Variants in KRR1 observed in about 807,000 individuals in gnomAD.
KRR1 encodes the protein KRR1 small subunit processome component homolog.
In KRR1, 23 loss-of-function variants were observed where a neutral mutation model predicts 50.0. The ratio of observed to expected loss-of-function variants is 0.46; its 90% CI spans 0.33 to 0.65. The LOEUF (loss-of-function observed/expected upper bound fraction) is 0.65. KRR1 is among the 30% of genes least tolerant of loss of function. The pLI, the probability that KRR1 is intolerant of heterozygous loss-of-function variation, is 0.02. For synonymous variants in KRR1, 133 were observed against 146.3 expected (o/e 0.91, Z 0.66); for missense variants, 419 against 442.4 (o/e 0.95, Z 0.47).
In KRR1 at chr12:75,507,745, A is replaced by C. The variant is rs138928072; in HGVS notation, c.258+529T>G. ...AATATCAAAAAAAGATACTTTTACC[A>C]TGTGATATGTCATTTTCTAAAGGCT... is the stretch of plus-strand genomic sequence containing the variant. On this transcript the variant is annotated intron_variant, in intron 2 of 9. Transcript: ENST00000229214. Among the ~76,000 whole-genome samples, 28 of 152,222 alleles carry C rather than the reference A, an allele frequency of 1.8e-4. 1 individual carries two copies. Among genetic ancestry groups the C allele is most frequent in the African/African-American group, 6.7e-4 (28 of 41,540 alleles).
intron 9 of KRR1, 62 bp from the exon 10 acceptor site, chr12:75,500,013 T>A (rs2046380683): frequency 1.5e-6 from 2 of 1,318,234 alleles, no homozygotes; most frequent in Admixed American, 4.7e-5. Context: ...AAACAAAGAA[T>A]ATATGTTTAA....
In KRR1 at chr12:75,495,577, A is replaced by AG; in HGVS notation, c.*4231dup. On this transcript the variant is annotated 3_prime_UTR_variant, in exon 10 of 10. Transcript: ENST00000229214. ...TGGACATCCTTCTTCTGCTTTACAGAGGGAATTACCCAACTTGGCCATATA... is the reference window on the plus strand; with the variant it reads ...TGGACATCCTTCTTCTGCTTTACAGAGGGGAATTACCCAACTTGGCCATATA... 6.3e-7 allele frequency: 1 copy of AG among 1,581,342 alleles called. No individual in the cohort carries two copies. The highest frequency in any genetic ancestry group is 1.1e-5 in the South Asian group (1 of 90,408).
intron 5 of KRR1, 66 bp downstream of exon 5, chr12:75,506,250 A>G: frequency 1.0e-6 from 1 of 961,720 alleles, no homozygotes; most frequent in Non-Finnish European, 1.6e-6. Context: ...TATCCAATAA[A>G]CTATATTATA....
At position 75,503,796 on chromosome 12, in the gene KRR1, A is replaced by AAT. The variant is rs139792543; in HGVS notation, c.831+106_831+107dup. 1.5e-3 allele frequency: 1,374 copies of AAT among 945,802 alleles called. 3 individuals carry two copies. Among genetic ancestry groups the AAT allele is most frequent in the South Asian group, 8.6e-3 (432 of 50,028 alleles). 58.6% of individuals were successfully genotyped at this position (945,802 alleles called of 1,614,324 possible). ...CTTATAGCTCTGCACACACACACAC[A>AAT]ATATATATATATACACATATCCCAC... On this transcript the variant is annotated intron_variant, in intron 7 of 9. Coordinates refer to ENST00000229214, the MANE Select transcript of KRR1 (RefSeq NM_007043.7).
intron 5 of KRR1, 69 bp downstream of exon 5, chr12:75,506,247 T>C: frequency 1.1e-6 from 1 of 923,236 alleles, no homozygotes. Flanking sequence ...CATTATCCAA[T>C]AAACTATATT....
In KRR1 at chr12:75,499,955, G is replaced by C; in HGVS notation, c.1004-4C>G. On this transcript the variant is annotated splice_region_variant and splice_polypyrimidine_tract_variant and intron_variant, in intron 9 of 9. Coordinates refer to ENST00000229214, the MANE Select transcript of KRR1 (RefSeq NM_007043.7). Reference sequence around the variant, plus strand: ...TCAATTTTAGTTTCAGTAGAAGCTAGACAAATTAAAAGCACAACACATGTA... The same window carrying C: ...TCAATTTTAGTTTCAGTAGAAGCTACACAAATTAAAAGCACAACACATGTA... 1 of 1,588,156 alleles carries C rather than the reference G, an allele frequency of 6.3e-7. No homozygotes were observed. Among genetic ancestry groups the C allele is most frequent in the Non-Finnish European group, 8.5e-7 (1 of 1,172,022 alleles).
chr12:75,501,956 A>C lies in KRR1; in HGVS notation c.876T>G (p.Asn292Lys). ...LASGEYFLKA[N>K]QKKRQKMEAI... ...CTTCCATTTTCTGCCGCTTCTTCTG[A>C]TTTGCCTTCAAAAAGTATTCACCAC... is the stretch of plus-strand genomic sequence containing the variant. Residue 292 changes from asparagine (N) to lysine (K), a missense_variant, in exon 8 of 10, where the codon AAT becomes AAG. Physicochemically the swap from Asn to Lys is moderately conservative, Grantham distance 94. Coordinates refer to ENST00000229214, the MANE Select transcript of KRR1 (RefSeq NM_007043.7). 6.2e-7 allele frequency: 1 copy of C among 1,612,450 alleles called. No homozygotes were observed. The highest frequency in any genetic ancestry group is 1.1e-5 in the South Asian group (1 of 91,036).
At chr12:75,510,892 C>T (rs904980564) in intron 1 of KRR1, among the ~76,000 whole-genome samples, 4 of 152,116 alleles carry the variant, frequency 2.6e-5, no homozygotes, top group Admixed American at 2.6e-4. Flanking sequence ...TGAACAGATC[C>T]CCAGGCTATT....
In KRR1 at chr12:75,499,473, C is replaced by T. The variant is rs901803221; in HGVS notation, c.*336G>A. The stretch of plus-strand genomic sequence containing the variant: ...ACTGTTAAAAGTAAAACCAAACTTT[C>T]AAAAGGGATAAACCTAAATATTTAC... On this transcript the variant is annotated 3_prime_UTR_variant, in exon 10 of 10. Coordinates refer to ENST00000229214, the MANE Select transcript of KRR1 (RefSeq NM_007043.7). 6.0e-6 allele frequency: 1 copy of T among 166,096 alleles called. No homozygotes were observed. Among genetic ancestry groups the T allele is most frequent in the Non-Finnish European group, 1.3e-5 (1 of 78,292 alleles). The allele number at this position is 166,096 out of a possible 1,614,324, so 10.3% of individuals were successfully genotyped here.
intron 1 of KRR1, 152 bp downstream of exon 1, chr12:75,511,361 G>A (rs2046447917): frequency 9.1e-6 from 6 of 662,634 alleles, no homozygotes; most frequent in East Asian, 2.7e-5. Flanking sequence ...CCGTTCCTGT[G>A]GGCCCAGCCA....
At chr12:75,507,141 T>C (rs74108833) in intron 2 of KRR1, among the ~76,000 whole-genome samples, 1,757 of 152,316 alleles carry the variant, frequency 0.012, 29 homozygotes, top group African/African-American at 0.04. Context: ...CCCTTGGTTT[T>C]AGAATACTTT....
In KRR1 at chr12:75,492,624, G is replaced by A. The variant is rs1187982868; in HGVS notation, c.*7185C>T. 6.6e-6 allele frequency: 1 copy of A among 151,988 alleles called. No individual in the cohort carries two copies. Among genetic ancestry groups the A allele is most frequent in the African/African-American group, 2.4e-5 (1 of 41,370 alleles). The allele number at this position is 151,988 out of a possible 1,614,324, so 9.4% of individuals were successfully genotyped here. Reference sequence around the variant, plus strand: ...TTAAAGTATAAATGTAAATTTTCCTGGTTTAGACTCACTTATCTTCAGAGT... The same window carrying A: ...TTAAAGTATAAATGTAAATTTTCCTAGTTTAGACTCACTTATCTTCAGAGT... On this transcript the variant is annotated 3_prime_UTR_variant, in exon 10 of 10. Coordinates refer to ENST00000229214, the MANE Select transcript of KRR1 (RefSeq NM_007043.7).
At chr12:75,505,136 G>C in intron 6 of KRR1, 62 bp downstream of exon 6, 1 of 1,417,928 alleles carries the variant, frequency 7.1e-7, no homozygotes. Flanking sequence ...TTTCAAGAAA[G>C]GTTTCTGTAG....
rs953468081 is a variant in KRR1 at position 75,493,210 on chromosome 12, T to C, written c.*6599A>G. On this transcript the variant is annotated 3_prime_UTR_variant, in exon 10 of 10. Transcript: ENST00000229214. ...CAGGGGAGCGATGAGACCTTTAAAT[T>C]TGGACATCAGTCTGGATGGAAAATG... The C allele has an allele frequency of 6.6e-6, 1 of 152,168 alleles. No homozygotes were observed. The highest frequency in any genetic ancestry group is 1.5e-5 in the Non-Finnish European group (1 of 68,026). The allele number at this position is 152,168 out of a possible 1,614,324, so 9.4% of individuals were successfully genotyped here. A position where few individuals can be genotyped will look rare whatever the true frequency, so the allele number is the denominator to read the frequency against.
rs766884984 is a variant in KRR1, at chr12:75,497,859, T to C, written c.*1950A>G. On this transcript the variant is annotated 3_prime_UTR_variant, in exon 10 of 10. Transcript: ENST00000229214. ...AGCTAGTTCACAGATGTACATTTGTTTCAATAGTTGAATATTGAACATTTA... is the reference window on the plus strand; with the variant it reads ...AGCTAGTTCACAGATGTACATTTGTCTCAATAGTTGAATATTGAACATTTA... 2.6e-5 allele frequency: 4 copies of C among 151,856 alleles called. No individual in the cohort carries two copies. Among genetic ancestry groups the C allele is most frequent in the Non-Finnish European group, 5.9e-5 (4 of 67,974 alleles). 9.4% of individuals were successfully genotyped at this position (151,856 alleles called of 1,614,324 possible). A position where few individuals can be genotyped will look rare whatever the true frequency, so the allele number is the denominator to read the frequency against.
chr12:75,505,171 G>A, intron 6 of KRR1, 27 bp downstream of exon 6: 3 of 1,508,842 alleles, frequency 2.0e-6, no homozygotes, highest in East Asian at 2.4e-5. Flanking sequence ...ATAATCACTG[G>A]TACAGTTATA....
rs2046449029 is a variant in KRR1, at chr12:75,511,516, G to A, written c.82C>T (p.Gln28Ter). 1 of 1,613,746 alleles carries A rather than the reference G, an allele frequency of 6.2e-7. No individual in the cohort carries two copies. Among genetic ancestry groups the A allele is most frequent in the African/African-American group, 1.3e-5 (1 of 74,916 alleles). The part of the protein sequence containing the change: ...FRNQKPKPEN[Q>*]DESELLTVPD... ...TTCGGTTCCCACATAACATCACCTTGGTTCTCCGGCTTCGGCTTCTGGTTA... is the reference window on the plus strand; with the variant it reads ...TTCGGTTCCCACATAACATCACCTTAGTTCTCCGGCTTCGGCTTCTGGTTA... The change falls in exon 1 of 10, where the codon CAA becomes TAA. Residue 28 changes from glutamine (Q) to a stop codon, truncating the protein, a stop_gained. Coordinates refer to ENST00000229214, the MANE Select transcript of KRR1 (RefSeq NM_007043.7). LOFTEE classifies it high-confidence loss of function.
At position 75,511,507 on chromosome 12, in the gene KRR1, C is replaced by T. The variant is rs201533122; in HGVS notation, c.85+6G>A. The T allele has an allele frequency of 1.9e-6, 3 of 1,609,432 alleles. No homozygotes were observed. The highest frequency in any genetic ancestry group is 4.6e-5 in the East Asian group (2 of 43,602). On this transcript the variant is annotated splice_donor_region_variant and intron_variant, in intron 1 of 9. Transcript: ENST00000229214. Reference sequence around the variant, plus strand: ...ACCCCAGGCTTCGGTTCCCACATAACATCACCTTGGTTCTCCGGCTTCGGC... The same window carrying T: ...ACCCCAGGCTTCGGTTCCCACATAATATCACCTTGGTTCTCCGGCTTCGGC...
intron 1 of KRR1, among the ~76,000 whole-genome samples, chr12:75,511,119 C>G (rs909739782): frequency 4.6e-5 from 7 of 152,190 alleles, no homozygotes; most frequent in African/African-American, 1.7e-4. Context: ...TACCTCACCC[C>G]ATTATCAGGG....
Sources: gnomAD v4.1 joint callset for allele counts (sites outside exome capture counted in the v4.1 genomes callset) on GRCh38, gnomAD v4.1.1 for gene constraint, MANE v1.5 for transcripts, NCBI Gene and HGNC (gene_info 2026-07-23, HGNC 2026-07-21) for gene names.